Variants in TANC2 observed in about 807,000 individuals in gnomAD.
The protein encoded by TANC2 is protein TANC2.
Under a neutral mutation model 210.5 loss-of-function variants are expected in TANC2, and 26 were observed. That is an observed-to-expected ratio of 0.12 (90% CI 0.09 to 0.17). The LOEUF is 0.17. Ranked by LOEUF, TANC2 falls within the 10% of genes least tolerant of loss-of-function variation. TANC2 has a pLI of 1.00. For missense variants in TANC2, 2,129 were observed against 2,608.9 expected, an observed-to-expected ratio of 0.82 and a Z score of 4.01; for synonymous variants, 931 against 967.1, an observed-to-expected ratio of 0.96 and a Z score of 0.69.
At chr17:63,119,897 C>G (rs1469301781) in intron 4 of TANC2, among the ~76,000 whole-genome samples, 2 of 151,952 alleles carry the variant, frequency 1.3e-5, no homozygotes, top group Non-Finnish European at 1.5e-5. Flanking sequence ...GCACATGCCT[C>G]TGGTCCCAGC....
intron 4 of TANC2, among the ~76,000 whole-genome samples, chr17:63,138,237 A>G (rs1411926809): frequency 6.6e-6 from 1 of 152,208 alleles, no homozygotes; most frequent in Non-Finnish European, 1.5e-5. Flanking sequence ...CATTATAGAA[A>G]GAAGCTTCCT....
At chr17:63,195,538 T>G (rs951248902) in intron 6 of TANC2, among the ~76,000 whole-genome samples, 1 of 152,334 alleles carries the variant, frequency 6.6e-6, no homozygotes, top group African/African-American at 2.4e-5. Flanking sequence ...CCTGTGCTAC[T>G]GCAATAGGTA....
At chr17:63,240,177 A>C (rs2042736456) in intron 8 of TANC2, among the ~76,000 whole-genome samples, 1 of 152,212 alleles carries the variant, frequency 6.6e-6, no homozygotes, top group African/African-American at 2.4e-5. Context: ...AGAGGAATGT[A>C]ACTACCAACC....
rs551653923 is a variant in TANC2, at chr17:63,350,182, A to C, written c.1808-1068A>C. Among the ~76,000 whole-genome samples the C allele has an allele frequency of 2.6e-5, 4 of 152,320 alleles. No homozygotes were observed. In the East Asian group the frequency reaches 7.7e-4, roughly 29 times the overall value. ...TCAATTGGTCTTGACTTTCAAAGGC[A>C]AAAATAGCCAATTTTGTATGCAAGT... On this transcript the variant is annotated intron_variant, in intron 12 of 27. Coordinates refer to ENST00000689528, the Ensembl canonical transcript of TANC2.
At chr17:63,199,751 A>T (rs2041466636) in intron 6 of TANC2, among the ~76,000 whole-genome samples, 1 of 152,234 alleles carries the variant, frequency 6.6e-6, no homozygotes, top group Non-Finnish European at 1.5e-5. Context: ...ATCAGAATAT[A>T]TTACCACCAA....
At chr17:63,143,004 A>T (rs1048039270) in intron 4 of TANC2, among the ~76,000 whole-genome samples, 2 of 152,036 alleles carry the variant, frequency 1.3e-5, no homozygotes, top group Non-Finnish European at 2.9e-5. Context: ...TTTAGGCTGG[A>T]CACTGTCTTA....
intron 7 of TANC2, among the ~76,000 whole-genome samples, chr17:63,220,936 CA>C (rs1432784829): frequency 6.6e-6 from 1 of 151,466 alleles, no homozygotes; most frequent in African/African-American, 2.4e-5. Context: ...CCCTACCCCA[CA>C]TACAAAAATT....
chr17:63,313,813 A>G (rs1186245747), intron 9 of TANC2, among the ~76,000 whole-genome samples: 1 of 152,238 alleles, frequency 6.6e-6, no homozygotes, highest in African/African-American at 2.4e-5. Context: ...TAAAGAAACA[A>G]ACAAGCCTCT....
intron 4 of TANC2, among the ~76,000 whole-genome samples, chr17:63,147,306 C>CA (rs1226881006): frequency 3.3e-5 from 5 of 151,978 alleles, no homozygotes; most frequent in African/African-American, 1.2e-4. Context: ...CCTGAGATCA[C>CA]ACCACTGCAC....
chr17:63,209,020 T>G (rs1209798458), intron 7 of TANC2, among the ~76,000 whole-genome samples: 1 of 152,156 alleles, frequency 6.6e-6, no homozygotes, highest in Admixed American at 6.5e-5. Flanking sequence ...TTTTTTCAAT[T>G]TTTTTGAGAC....
intron 19 of TANC2, among the ~76,000 whole-genome samples, chr17:63,402,537 A>C (rs149027366): frequency 6.6e-6 from 1 of 152,070 alleles, no homozygotes; most frequent in Non-Finnish European, 1.5e-5. Context: ...GGACTCTTCC[A>C]AGGTTGAAAG....
At chr17:62,969,328 C>G (rs912015534) in intron 1 of TANC2, among the ~76,000 whole-genome samples, 3 of 152,150 alleles carry the variant, frequency 2.0e-5, no homozygotes, top group Non-Finnish European at 2.9e-5. Context: ...AGTAGAAGAG[C>G]TAAGTTTCCA....
intron 3 of TANC2, among the ~76,000 whole-genome samples, chr17:63,085,820 T>C (rs1246226767): frequency 6.6e-6 from 1 of 152,172 alleles, no homozygotes; most frequent in South Asian, 2.1e-4. Flanking sequence ...TAAAAAGTCT[T>C]TATCTTCACG....
chr17:63,424,816 A>C (rs1179176836), exon 28 of TANC2: 1 of 152,046 alleles, frequency 6.6e-6, no homozygotes, highest in Non-Finnish European at 1.5e-5. Flanking sequence ...TTTCAAGAAA[A>C]AAGGAAAGGA....
chr17:63,302,599 CTTTTTTTTTT>C (rs568226580), intron 9 of TANC2, among the ~76,000 whole-genome samples: 8 of 22,734 alleles, frequency 3.5e-4, no homozygotes, highest in African/African-American at 8.3e-4. Context: ...GCAACCCCTG[CTTTTTTTTTT>C]TTTTTTTTTT....
chr17:63,172,496 C>A (rs2040439657), intron 5 of TANC2, among the ~76,000 whole-genome samples: 1 of 152,010 alleles, frequency 6.6e-6, no homozygotes, highest in Non-Finnish European at 1.5e-5. Flanking sequence ...CAGCATTTTT[C>A]TAATGAAAAC....
At chr17:63,263,428 GTTATA>G (rs1356277525) in intron 8 of TANC2, among the ~76,000 whole-genome samples, 3 of 152,152 alleles carry the variant, frequency 2.0e-5, no homozygotes, top group Non-Finnish European at 4.4e-5. Flanking sequence ...GCATTTCAGA[GTTATA>G]TTATAAAAGT....
intron 4 of TANC2, among the ~76,000 whole-genome samples, chr17:63,100,312 G>C (rs144720264): frequency 6.6e-6 from 1 of 151,854 alleles, no homozygotes; most frequent in African/African-American, 2.4e-5. Context: ...TAAAATAATA[G>C]CATTTCTTCT....
intron 2 of TANC2, among the ~76,000 whole-genome samples, chr17:63,061,865 TTTTG>T (rs2036009968): frequency 2.0e-5 from 3 of 152,134 alleles, no homozygotes; most frequent in African/African-American, 7.2e-5. Flanking sequence ...CTTAAGATCA[TTTTG>T]TTTATTTGAT....
Sources: allele counts gnomAD v4.1 joint callset (sites outside exome capture counted in the v4.1 genomes callset), GRCh38; gene constraint gnomAD v4.1.1; transcripts MANE v1.5; gene names NCBI Gene and HGNC (gene_info 2026-07-23, HGNC 2026-07-21).